Variants in IQCH observed in about 807,000 individuals in gnomAD.
IQCH encodes the protein IQ motif containing H, also known as IQ domain-containing protein H.
Under a neutral mutation model 117.0 loss-of-function variants are expected in IQCH, and 98 were observed. That is an observed-to-expected ratio of 0.84 (90% CI 0.71 to 0.99). The LOEUF (loss-of-function observed/expected upper bound fraction) is 0.99, where lower values mean the gene tolerates loss of function less well. Ranked by LOEUF, IQCH falls within the 50% of genes least tolerant of loss-of-function variation. IQCH has a pLI of 0.00. For missense variants in IQCH, 1,102 were observed against 1,243.8 expected (o/e 0.89, Z 1.72); for synonymous variants, 412 against 448.2 (o/e 0.92, Z 1.02).
chr15:67,394,677 T>G (rs982868612), intron 12 of IQCH, among the ~76,000 whole-genome samples: 1 of 152,222 alleles, frequency 6.6e-6, no homozygotes, highest in Non-Finnish European at 1.5e-5. Flanking sequence ...AGTTTTTCAC[T>G]GAAAAATGAA....
chr15:67,489,900 C>A, intron 18 of IQCH, 103 bp from the exon 19 acceptor site: 1 of 857,684 alleles, frequency 1.2e-6, no homozygotes, highest in Non-Finnish European at 2.0e-6. Flanking sequence ...CTCTAGATTT[C>A]AAATCAAATC....
Position 67,314,883 on chromosome 15 carries a change from C to T in IQCH, c.388-22092C>T, listed in dbSNP as rs563409582. 1.1e-4 allele frequency among the ~76,000 whole-genome samples: 16 copies of T among 152,232 alleles called. No homozygotes were observed. The East Asian group carries it at 2.7e-3, about 26-fold the overall frequency. ...CGAAGAAAATATTCTTTAGGCTATT[C>T]CTGTCTTGCAAGTCAACAATTTAAA... On this transcript the variant is annotated intron_variant, in intron 4 of 20. Coordinates refer to ENST00000335894, the MANE Select transcript of IQCH (RefSeq NM_001031715.3).
intron 4 of IQCH, among the ~76,000 whole-genome samples, chr15:67,321,289 C>G (rs1359037384): frequency 6.6e-6 from 1 of 152,140 alleles, no homozygotes; most frequent in African/African-American, 2.4e-5. Context: ...TTCCTCCAGT[C>G]ATTTCTATTC....
intron 4 of IQCH, chr15:67,304,370 A>T (rs1317211741): frequency 6.5e-7 from 1 of 1,532,080 alleles, no homozygotes; most frequent in Non-Finnish European, 8.7e-7. Flanking sequence ...AAAATCTTGC[A>T]GGATCCTGAA....
At chr15:67,304,315 A>G in intron 4 of IQCH, 1 of 1,257,950 alleles carries the variant, frequency 7.9e-7, no homozygotes, top group Non-Finnish European at 1.1e-6. Flanking sequence ...CCAGCATGAA[A>G]GTTTCATTGT....
chr15:67,497,550 T>C (rs531321486), intron 20 of IQCH, among the ~76,000 whole-genome samples: 7 of 152,108 alleles, frequency 4.6e-5, no homozygotes, highest in Middle Eastern at 3.4e-3. Context: ...TTGGAGTGCA[T>C]TGATGCAATC....
At chr15:67,396,909 T>A (rs1335832544) in intron 13 of IQCH, among the ~76,000 whole-genome samples, 1 of 152,250 alleles carries the variant, frequency 6.6e-6, no homozygotes, top group East Asian at 1.9e-4. Flanking sequence ...TTGGGCAATG[T>A]TCATGGGCTT....
chr15:67,356,726 G>A lies in IQCH; in HGVS notation c.638-619G>A, dbSNP rs892532781. Among the ~76,000 whole-genome samples the A allele has an allele frequency of 1.3e-5, 2 of 152,112 alleles. No individual in the cohort carries two copies. The highest frequency in any genetic ancestry group is 2.9e-5 in the Non-Finnish European group (2 of 68,014). On this transcript the variant is annotated intron_variant, in intron 6 of 20. Coordinates refer to ENST00000335894, the MANE Select transcript of IQCH (RefSeq NM_001031715.3). This position sits in a 1 kb window ranked among gnomAD's most constrained non-coding sequence, Gnocchi z 5.3. ...TGTCAGACTTGGGCTTTTGGTAAAG[G>A]GCAGTCAGGTTTGCTGCTAGGCAGT...
chr15:67,398,928 T>C (rs561212406), intron 13 of IQCH, among the ~76,000 whole-genome samples: 6 of 152,282 alleles, frequency 3.9e-5, no homozygotes, highest in African/African-American at 1.4e-4. Context: ...AAAATCGTTT[T>C]GTGAGTTAAT....
At chr15:67,326,128 C>A (rs1968397923) in intron 4 of IQCH, among the ~76,000 whole-genome samples, 1 of 152,152 alleles carries the variant, frequency 6.6e-6, no homozygotes, top group Admixed American at 6.5e-5. Flanking sequence ...ACCCCCACCC[C>A]ACAACAGGCC....
At chr15:67,478,872 C>T (rs1260158437) in intron 18 of IQCH, among the ~76,000 whole-genome samples, 3 of 151,296 alleles carry the variant, frequency 2.0e-5, no homozygotes, top group African/African-American at 7.3e-5. Flanking sequence ...TGCAGTGAGC[C>T]GAGATTGCGC....
intron 17 of IQCH, among the ~76,000 whole-genome samples, chr15:67,468,400 T>G (rs1478942718): frequency 6.6e-6 from 1 of 152,364 alleles, no homozygotes; most frequent in African/African-American, 2.4e-5. Flanking sequence ...GGGTTTGATT[T>G]TGATAGAATG....
At chr15:67,495,938 C>T (rs1221975269) in intron 20 of IQCH, among the ~76,000 whole-genome samples, 1 of 152,208 alleles carries the variant, frequency 6.6e-6, no homozygotes, top group East Asian at 1.9e-4. Context: ...CTAGTATTTT[C>T]TGTCTCCTAC....
chr15:67,273,602 T>TA (rs1232333170), intron 3 of IQCH, among the ~76,000 whole-genome samples: 34 of 152,362 alleles, frequency 2.2e-4, no homozygotes, highest in African/African-American at 5.8e-4. Context: ...GGTCTCACCT[T>TA]ACATAGTTTT....
chr15:67,306,118 C>G (rs1008088994), intron 4 of IQCH, among the ~76,000 whole-genome samples: 1 of 151,884 alleles, frequency 6.6e-6, no homozygotes, highest in African/African-American at 2.4e-5. Context: ...TTGACCCTAT[C>G]ATTTTATGTT....
chr15:67,338,850 A>G (rs1021515776), intron 5 of IQCH, among the ~76,000 whole-genome samples: 1 of 151,832 alleles, frequency 6.6e-6, no homozygotes, highest in African/African-American at 2.4e-5. Context: ...CTACATCTCC[A>G]TTTCTCATCT....
At chr15:67,482,858 G>C (rs1338394698) in intron 18 of IQCH, among the ~76,000 whole-genome samples, 1 of 152,180 alleles carries the variant, frequency 6.6e-6, no homozygotes, top group African/African-American at 2.4e-5. Flanking sequence ...AGATTCTGGG[G>C]TACATAAGTA....
chr15:67,359,717 G>A lies in IQCH; in HGVS notation c.715-130G>A, dbSNP rs1034432569. 2.0e-5 allele frequency: 16 copies of A among 788,402 alleles called. No individual in the cohort carries two copies. The African/African-American group carries it at 2.4e-4, about 12-fold the overall frequency. 48.8% of individuals were successfully genotyped at this position (788,402 alleles called of 1,614,324 possible). On this transcript the variant is annotated intron_variant, in intron 7 of 20. Coordinates refer to ENST00000335894, the MANE Select transcript of IQCH (RefSeq NM_001031715.3). The surrounding 1 kb of genome is among the most constrained non-coding windows in gnomAD (Gnocchi z 4.5). ...TCTAATTATTAGCTCCTGCCTGCGT[G>A]GAAAGAGAGAACAGGCTGGCCCAGC...
chr15:67,417,090 A>G lies in IQCH; in HGVS notation c.2218+39A>G. 1.3e-6 allele frequency: 2 copies of G among 1,550,212 alleles called. No homozygotes were observed. Among genetic ancestry groups the G allele is most frequent in the Non-Finnish European group, 1.7e-6 (2 of 1,146,512 alleles). On this transcript the variant is annotated intron_variant, in intron 15 of 20. Transcript: ENST00000335894. This position sits in a 1 kb window ranked among gnomAD's most constrained non-coding sequence, Gnocchi z 4.3. ...TAAAGTTTCTATTGAGGATTAGTCT[A>G]CACAACCTTGGATTCTAGTTTTGGG...
Sources: allele counts gnomAD v4.1 joint callset (sites outside exome capture counted in the v4.1 genomes callset), GRCh38; gene constraint gnomAD v4.1.1; non-coding constraint Gnocchi (gnomAD v3.1); transcripts MANE v1.5; gene names NCBI Gene and HGNC (gene_info 2026-07-23, HGNC 2026-07-21).